The following AKT3 variants were observed in gnomAD, a reference collection of about 807,000 sequenced individuals.
The protein encoded by AKT3 is RAC-gamma serine/threonine-protein kinase.
A neutral mutation model predicts 65.3 loss-of-function variants in AKT3; 15 were observed. The observed-to-expected ratio is 0.23, with a 90% CI of 0.15 to 0.35. AKT3 has a LOEUF of 0.35. Ranked by LOEUF, AKT3 falls within the 10% of genes least tolerant of loss-of-function variation. The pLI, the probability that AKT3 is intolerant of heterozygous loss-of-function variation, is 1.00. For synonymous variants in AKT3, 206 were observed against 183.8 expected, an observed-to-expected ratio of 1.12 and a Z score of -0.98; for missense variants, 243 against 576.5, an observed-to-expected ratio of 0.42 and a Z score of 5.92.
intron 12 of AKT3, among the ~76,000 whole-genome samples, chr1:243,520,435 A>G (rs1395622093): frequency 1.3e-5 from 2 of 152,228 alleles, no homozygotes; most frequent in African/African-American, 4.8e-5. Context: ...GCCCTAGCAC[A>G]TAAATACATT....
intron 3 of AKT3, among the ~76,000 whole-genome samples, chr1:243,675,119 G>T (rs1251981756): frequency 6.6e-6 from 1 of 152,130 alleles, no homozygotes; most frequent in Non-Finnish European, 1.5e-5. Flanking sequence ...TTCTACTCAC[G>T]TATCTTCAAA....
At chr1:243,755,863 C>T (rs1370585878) in intron 2 of AKT3, among the ~76,000 whole-genome samples, 4 of 152,126 alleles carry the variant, frequency 2.6e-5, no homozygotes, top group Admixed American at 2.6e-4. Flanking sequence ...AATGTGAAGG[C>T]CTTTCTTTTC....
chr1:243,768,305 T>C (rs1689957146), intron 2 of AKT3, among the ~76,000 whole-genome samples: 1 of 152,134 alleles, frequency 6.6e-6, no homozygotes, highest in South Asian at 2.1e-4. Flanking sequence ...AAATTGGCTT[T>C]CAGCTGTTAA....
At chr1:243,719,029 G>A (rs185546803) in intron 2 of AKT3, among the ~76,000 whole-genome samples, 1 of 152,092 alleles carries the variant, frequency 6.6e-6, no homozygotes, top group African/African-American at 2.4e-5. Flanking sequence ...ACTCATTAGG[G>A]AAATTATTCA....
intron 3 of AKT3, among the ~76,000 whole-genome samples, chr1:243,690,836 C>T (rs757562518): frequency 3.3e-5 from 5 of 152,108 alleles, no homozygotes; most frequent in Non-Finnish European, 5.9e-5. Flanking sequence ...AAAAAGATCA[C>T]TGAATTTCTA....
intron 2 of AKT3, among the ~76,000 whole-genome samples, chr1:243,744,356 TG>T (rs917142607): frequency 3.2e-4 from 49 of 152,332 alleles, no homozygotes; most frequent in African/African-American, 7.5e-4. Context: ...AGGTGTTACA[TG>T]GTGTGCTTAC....
rs553968585 is a variant in AKT3 at position 243,785,214 on chromosome 1, G to A, written c.46+57911C>T. 2.4e-4 allele frequency among the ~76,000 whole-genome samples: 36 copies of A among 151,602 alleles called. No individual in the cohort carries two copies. In the South Asian group the frequency reaches 6.9e-3, roughly 29 times the overall value. On this transcript the variant is annotated intron_variant, in intron 2 of 13. Coordinates refer to ENST00000673466, the MANE Select transcript of AKT3 (RefSeq NM_005465.7). ...GGTGTGAGTAGCTGGGACTACAGGC[G>A]CCAGCCACCATGCCCAGCTAATTTT...
intron 2 of AKT3, among the ~76,000 whole-genome samples, chr1:243,764,422 A>G (rs1020080447): frequency 6.6e-6 from 1 of 152,102 alleles, no homozygotes; most frequent in Non-Finnish European, 1.5e-5. Flanking sequence ...TAGTAATCTC[A>G]GTGAAACACT....
At chr1:243,668,149 T>C (rs928056013) in intron 3 of AKT3, among the ~76,000 whole-genome samples, 1 of 152,168 alleles carries the variant, frequency 6.6e-6, no homozygotes, top group East Asian at 1.9e-4. Context: ...TCTTAGCACT[T>C]AGAACTATGC....
At chr1:243,715,032 C>T (rs2148089559) in intron 2 of AKT3, among the ~76,000 whole-genome samples, 1 of 152,186 alleles carries the variant, frequency 6.6e-6, no homozygotes, top group South Asian at 2.1e-4. Flanking sequence ...TCTACAGCAT[C>T]CATTTGACCA....
upstream of AKT3, among the ~76,000 whole-genome samples, chr1:243,850,453 G>A (rs554105350): frequency 8.6e-3 from 1,304 of 151,362 alleles, 20 homozygotes; most frequent in African/African-American, 0.03. Context: ...CGCCGGCGGG[G>A]CGGCGGCTCT....
At chr1:243,507,960 CCTTT>C (rs1321439586) in intron 13 of AKT3, among the ~76,000 whole-genome samples, 8 of 152,286 alleles carry the variant, frequency 5.3e-5, no homozygotes, top group South Asian at 2.1e-4. Flanking sequence ...GAACATTTTG[CCTTT>C]CTAACTGCTG....
At chr1:243,636,110 T>C (rs991146432) in intron 6 of AKT3, among the ~76,000 whole-genome samples, 13 of 151,958 alleles carry the variant, frequency 8.6e-5, no homozygotes, top group Non-Finnish European at 1.6e-4. Context: ...GTGAGGCTAA[T>C]ATATAAAAGA....
At chr1:243,608,459 TA>T (rs1288693147) in intron 8 of AKT3, among the ~76,000 whole-genome samples, 2 of 152,148 alleles carry the variant, frequency 1.3e-5, no homozygotes, top group Admixed American at 6.5e-5. Flanking sequence ...GCGAGGCCAC[TA>T]AAGGAGCTCA....
At chr1:243,697,131 TAG>T (rs1252453716) in intron 2 of AKT3, among the ~76,000 whole-genome samples, 1 of 152,042 alleles carries the variant, frequency 6.6e-6, no homozygotes, top group Non-Finnish European at 1.5e-5. Flanking sequence ...AAATTGAAAA[TAG>T]ATTTTATAAA....
intron 10 of AKT3, among the ~76,000 whole-genome samples, chr1:243,557,040 C>G (rs1673456392): frequency 6.6e-6 from 1 of 152,140 alleles, no homozygotes; most frequent in African/African-American, 2.4e-5. Flanking sequence ...CCTCTCCTAG[C>G]ACACACAAAT....
At chr1:243,536,605 C>T (rs1671951159) in intron 12 of AKT3, among the ~76,000 whole-genome samples, 1 of 152,004 alleles carries the variant, frequency 6.6e-6, no homozygotes, top group Non-Finnish European at 1.5e-5. Context: ...TTCCAGTTTG[C>T]TGTGTAATTT....
intron 8 of AKT3, among the ~76,000 whole-genome samples, chr1:243,610,610 A>G (rs1253412196): frequency 1.3e-5 from 2 of 152,206 alleles, no homozygotes; most frequent in Non-Finnish European, 2.9e-5. Flanking sequence ...TTCAACTATT[A>G]GATAATACAT....
At chr1:243,544,272 G>T (rs1184799527) in intron 12 of AKT3, among the ~76,000 whole-genome samples, 1 of 149,048 alleles carries the variant, frequency 6.7e-6, no homozygotes, top group Admixed American at 6.7e-5. Context: ...AAAGCAGGGG[G>T]AGGGGGGGAC....
Sources: allele counts gnomAD v4.1 joint callset (sites outside exome capture counted in the v4.1 genomes callset), GRCh38; gene constraint gnomAD v4.1.1; transcripts MANE v1.5; gene names NCBI Gene and HGNC (gene_info 2026-07-23, HGNC 2026-07-21).